Variants in TP53RK observed in about 807,000 individuals in gnomAD.
TP53RK encodes the protein EKC/KEOPS complex subunit TP53RK.
In TP53RK, 17 loss-of-function variants were observed where a neutral mutation model predicts 14.9. The ratio of observed to expected loss-of-function variants is 1.14; its 90% CI spans 0.78 to 1.71. TP53RK has a LOEUF of 1.71. TP53RK is among the 40% of genes most tolerant of loss of function. TP53RK has a pLI of 0.00. For missense variants in TP53RK, 343 were observed against 332.0 expected (o/e 1.03, Z -0.26); for synonymous variants, 131 against 138.0 (o/e 0.95, Z 0.36).
At position 46,686,306 on chromosome 20, in the gene TP53RK, T is replaced by G. The variant is rs541500099; in HGVS notation, c.*447A>C. On this transcript the variant is annotated 3_prime_UTR_variant, in exon 2 of 2. Transcript: ENST00000372114. ...TTTTCCATGCTGTATTCTATTTCAT[T>G]TTTTAAAATGCTGGTTGTATCCCAT... The G allele has an allele frequency of 6.2e-6, 1 of 162,518 alleles. No homozygotes were observed. Among genetic ancestry groups the G allele is most frequent in the South Asian group, 1.7e-4 (1 of 5,734 alleles). 10.1% of individuals were successfully genotyped at this position (162,518 alleles called of 1,614,324 possible).
At position 46,686,395 on chromosome 20, in the gene TP53RK, AG is replaced by A. The variant is rs1473752894; in HGVS notation, c.*357del. 4.9e-6 allele frequency: 1 copy of A among 202,312 alleles called. No homozygotes were observed. Among genetic ancestry groups the A allele is most frequent in the Admixed American group, 5.3e-5 (1 of 18,878 alleles). The allele number at this position is 202,312 out of a possible 1,614,324, so 12.5% of individuals were successfully genotyped here. A position where few individuals can be genotyped will look rare whatever the true frequency, so the allele number is the denominator to read the frequency against. The stretch of plus-strand genomic sequence containing the variant: ...ACAACAAAAAAAAACACTGGGTTAG[AG>A]GGCCAGTAAGCTCAGCGAGTATCAG... On this transcript the variant is annotated 3_prime_UTR_variant, in exon 2 of 2. Coordinates refer to ENST00000372114, the MANE Select transcript of TP53RK (RefSeq NM_033550.4).
chr20:46,687,140 A>G lies in TP53RK; in HGVS notation c.375T>C (p.Tyr125=). 6.2e-7 allele frequency: 1 copy of G among 1,614,192 alleles called. No homozygotes were observed. The highest frequency in any genetic ancestry group is 8.5e-7 in the Non-Finnish European group (1 of 1,180,018). ...EIEGSVTVRD[Y]IQSTMETEKT... ...TTTCAGTCTCCATAGTGGACTGAAT[A>G]TAATCTCGAACAGTCACTGAGCCTT... The change falls in exon 2 of 2, where the codon TAT becomes TAC. Residue 125 remains tyrosine, a synonymous_variant. Coordinates refer to ENST00000372114, the MANE Select transcript of TP53RK (RefSeq NM_033550.4).
At position 46,689,194 on chromosome 20, in the gene TP53RK, G is replaced by A. The variant is rs1295074440; in HGVS notation, c.221C>T (p.Ala74Val). The change falls in exon 1 of 2, where the codon GCG becomes GTG. Residue 74 changes from alanine (A) to valine (V), a missense_variant. Physicochemically the swap from Ala to Val is moderately conservative, Grantham distance 64 (BLOSUM62 0). Coordinates refer to ENST00000372114, the MANE Select transcript of TP53RK (RefSeq NM_033550.4). ...PKGYRHPALEARLGRRRTVQE... is the reference protein window; with the variant it reads ...PKGYRHPALEVRLGRRRTVQE... Reference sequence around the variant, plus strand: ...CACCGTCCGCCGTCTGCCAAGCCGCGCCTCCAGCGCCGGGTGCCGGTAGCC... The same window carrying A: ...CACCGTCCGCCGTCTGCCAAGCCGCACCTCCAGCGCCGGGTGCCGGTAGCC... 3 of 1,521,540 alleles carry A rather than the reference G, an allele frequency of 2.0e-6. No homozygotes were observed. The highest frequency in any genetic ancestry group is 2.4e-5 in the South Asian group (2 of 82,118). The allele number at this position is 1,521,540 out of a possible 1,614,324, so 94.3% of individuals were successfully genotyped here. A position where few individuals can be genotyped will look rare whatever the true frequency, so the allele number is the denominator to read the frequency against.
chr20:46,687,287 AATTTT>A, intron 1 of TP53RK, 56 bp from the exon 2 acceptor site: 1 of 1,440,858 alleles, frequency 6.9e-7, no homozygotes, highest in Non-Finnish European at 9.3e-7. Context: ...GGGTAAACTT[AATTTT>A]CAAAGATTAA....
chr20:46,687,225 G>A lies in TP53RK; in HGVS notation c.290C>T (p.Ser97Phe). Residue 97 changes from serine to phenylalanine, a missense_variant, in exon 2 of 2, where the codon TCT (serine) becomes TTT (phenylalanine). Coordinates refer to ENST00000372114, the MANE Select transcript of TP53RK (RefSeq NM_033550.4). The part of the protein sequence containing the change: ...ALLRCRRAGI[S>F]APVVFFVDYA... Reference sequence around the variant, plus strand: ...GTCCACAAAAAAGACAACTGGGGCAGATATTCCTGAAATCAAGACATAAGT... The same window carrying A: ...GTCCACAAAAAAGACAACTGGGGCAAATATTCCTGAAATCAAGACATAAGT... The A allele has an allele frequency of 1.3e-6, 2 of 1,580,160 alleles. No homozygotes were observed. The highest frequency in any genetic ancestry group is 1.7e-6 in the Non-Finnish European group (2 of 1,161,782).
chr20:46,689,122 C>G lies in TP53RK; in HGVS notation c.283+10G>C. 7.3e-7 allele frequency: 1 copy of G among 1,375,290 alleles called. No individual in the cohort carries two copies. 85.2% of individuals were successfully genotyped at this position (1,375,290 alleles called of 1,614,324 possible). ...GGGGCCGCCCACGCCGGGATCCCGG[C>G]CCACCTTACCAGCGCGGCGACAGCG... On this transcript the variant is annotated intron_variant, in intron 1 of 1. Coordinates refer to ENST00000372114, the MANE Select transcript of TP53RK (RefSeq NM_033550.4).
At chr20:46,687,586 G>A (rs1352578869) in intron 1 of TP53RK, among the ~76,000 whole-genome samples, 2 of 152,192 alleles carry the variant, frequency 1.3e-5, no homozygotes, top group Non-Finnish European at 2.9e-5. Context: ...GGGAGGCGGA[G>A]GCAGGCGGAT....
Position 46,686,496 on chromosome 20 carries a change from C to A in TP53RK, c.*257G>T, listed in dbSNP as rs903160754. ...TCTCATTATGTGGTTCAATGCCACA[C>A]CCATGTATCTGAGATATACATGTCA... On this transcript the variant is annotated 3_prime_UTR_variant, in exon 2 of 2. Coordinates refer to ENST00000372114, the MANE Select transcript of TP53RK (RefSeq NM_033550.4). 9 of 481,246 alleles carry A rather than the reference C, an allele frequency of 1.9e-5. No homozygotes were observed. Among genetic ancestry groups the A allele is most frequent in the Admixed American group, 3.5e-5 (1 of 28,414 alleles). The allele number at this position is 481,246 out of a possible 1,614,324, so 29.8% of individuals were successfully genotyped here. A position where few individuals can be genotyped will look rare whatever the true frequency, so the allele number is the denominator to read the frequency against.
rs1432817483 is a variant in TP53RK at position 46,684,474 on chromosome 20, G to C, written c.*2279C>G. ...AAACAAACACACCCTTCTCCACGTGGCAGCAGGAAGTGCCGAACAAGAGGG... is the reference window on the plus strand; with the variant it reads ...AAACAAACACACCCTTCTCCACGTGCCAGCAGGAAGTGCCGAACAAGAGGG... On this transcript the variant is annotated 3_prime_UTR_variant, in exon 2 of 2. Coordinates refer to ENST00000372114, the MANE Select transcript of TP53RK (RefSeq NM_033550.4). 1.3e-5 allele frequency: 2 copies of C among 152,238 alleles called. No individual in the cohort carries two copies. Among genetic ancestry groups the C allele is most frequent in the African/African-American group, 4.8e-5 (2 of 41,464 alleles). The allele number at this position is 152,238 out of a possible 1,614,324, so 9.4% of individuals were successfully genotyped here. A position where few individuals can be genotyped will look rare whatever the true frequency, so the allele number is the denominator to read the frequency against.
chr20:46,687,666 C>T (rs1448468589), intron 1 of TP53RK, among the ~76,000 whole-genome samples: 1 of 152,082 alleles, frequency 6.6e-6, no homozygotes. Context: ...TGTGGTGGCT[C>T]ACGCCTGTAG....
rs1448929020 is a variant in TP53RK at position 46,684,949 on chromosome 20, C to T, written c.*1804G>A. 6.6e-6 allele frequency: 1 copy of T among 152,190 alleles called. No homozygotes were observed. The highest frequency in any genetic ancestry group is 1.9e-4 in the East Asian group (1 of 5,204). The allele number at this position is 152,190 out of a possible 1,614,324, so 9.4% of individuals were successfully genotyped here. Reference sequence around the variant, plus strand: ...CAGATTTGGAGCCAGGTAAAAGTACCTCTTGCTACCTGTGACGTCTTGGAC... The same window carrying T: ...CAGATTTGGAGCCAGGTAAAAGTACTTCTTGCTACCTGTGACGTCTTGGAC... On this transcript the variant is annotated 3_prime_UTR_variant, in exon 2 of 2. Coordinates refer to ENST00000372114, the MANE Select transcript of TP53RK (RefSeq NM_033550.4).
At chr20:46,687,710 A>G (rs1346123245) in intron 1 of TP53RK, among the ~76,000 whole-genome samples, 1 of 152,196 alleles carries the variant, frequency 6.6e-6, no homozygotes, top group African/African-American at 2.4e-5. Flanking sequence ...GCAGGAGAAT[A>G]GCTTGAACTC....
chr20:46,689,299 A>C lies in TP53RK; in HGVS notation c.116T>G (p.Val39Gly), dbSNP rs2063196809. The stretch of plus-strand genomic sequence containing the variant: ...CACGCGCGCCTCGGCACCCTGCTTC[A>C]CCAGCTCCAGGCCGCTCAAGAAGCG... ...SSRFLSGLEL[V>G]KQGAEARVFR... is the part of the protein sequence containing the mutation. Residue 39 changes from valine to glycine, a missense_variant, in exon 1 of 2, where the codon GTG (valine) becomes GGG (glycine). Val to Gly is a moderately radical substitution (Grantham distance 109). Transcript: ENST00000372114. 1 of 1,548,794 alleles carries C rather than the reference A, an allele frequency of 6.5e-7. No individual in the cohort carries two copies. Among genetic ancestry groups the C allele is most frequent in the Admixed American group, 1.9e-5 (1 of 53,248 alleles).
chr20:46,687,920 G>A (rs2063188379), intron 1 of TP53RK, among the ~76,000 whole-genome samples: 1 of 152,232 alleles, frequency 6.6e-6, no homozygotes, highest in South Asian at 2.1e-4. Context: ...AGAGAGGACA[G>A]GGTTCAAATC....
intron 1 of TP53RK, among the ~76,000 whole-genome samples, chr20:46,687,975 C>T (rs1450708698): frequency 6.6e-6 from 1 of 152,174 alleles, no homozygotes; most frequent in African/African-American, 2.4e-5. Flanking sequence ...CTTAAAATTA[C>T]ATTAACTTCT....
Position 46,686,371 on chromosome 20 carries a change from C to A in TP53RK, c.*382G>T. 1 of 193,464 alleles carries A rather than the reference C, an allele frequency of 5.2e-6. No individual in the cohort carries two copies. The highest frequency in any genetic ancestry group is 1.2e-4 in the South Asian group (1 of 8,594). 12.0% of individuals were successfully genotyped at this position (193,464 alleles called of 1,614,324 possible). A position where few individuals can be genotyped will look rare whatever the true frequency, so the allele number is the denominator to read the frequency against. Reference sequence around the variant, plus strand: ...AATAAATATAACATGTACACAACAACAACAAAAAAAAACACTGGGTTAGAG... The same window carrying A: ...AATAAATATAACATGTACACAACAAAAACAAAAAAAAACACTGGGTTAGAG... On this transcript the variant is annotated 3_prime_UTR_variant, in exon 2 of 2. Transcript: ENST00000372114.
At position 46,686,612 on chromosome 20, in the gene TP53RK, T is replaced by C. The variant is rs1050272021; in HGVS notation, c.*141A>G. On this transcript the variant is annotated 3_prime_UTR_variant, in exon 2 of 2. Coordinates refer to ENST00000372114, the MANE Select transcript of TP53RK (RefSeq NM_033550.4). ...ACACATAGTAAGCTCTTGAGTGAAG[T>C]GCAGATGATAATGACACGATCACAT... 1 of 740,690 alleles carries C rather than the reference T, an allele frequency of 1.4e-6. No homozygotes were observed. Among genetic ancestry groups the C allele is most frequent in the Non-Finnish European group, 2.3e-6 (1 of 443,036 alleles). The allele number at this position is 740,690 out of a possible 1,614,324, so 45.9% of individuals were successfully genotyped here.
chr20:46,689,061 A>AG (rs955136291), intron 1 of TP53RK, 71 bp downstream of exon 1: 140 of 1,318,330 alleles, frequency 1.1e-4, no homozygotes, highest in Non-Finnish European at 1.3e-4. Flanking sequence ...TTCGGAGCGC[A>AG]GGGGAGTCCC....
chr20:46,686,022 T>G lies in TP53RK; in HGVS notation c.*731A>C, dbSNP rs535163782. 6.6e-6 allele frequency: 1 copy of G among 152,312 alleles called. No homozygotes were observed. Among genetic ancestry groups the G allele is most frequent in the African/African-American group, 2.4e-5 (1 of 41,572 alleles). The allele number at this position is 152,312 out of a possible 1,614,324, so 9.4% of individuals were successfully genotyped here. A position where few individuals can be genotyped will look rare whatever the true frequency, so the allele number is the denominator to read the frequency against. The stretch of plus-strand genomic sequence containing the variant: ...ACTCAGTTTGTTTAGCGGTATAAAC[T>G]TAAAAGGAACTTTAGATCAATCACT... On this transcript the variant is annotated 3_prime_UTR_variant, in exon 2 of 2. Coordinates refer to ENST00000372114, the MANE Select transcript of TP53RK (RefSeq NM_033550.4).
Sources: gnomAD v4.1 joint callset for allele counts (sites outside exome capture counted in the v4.1 genomes callset) on GRCh38, gnomAD v4.1.1 for gene constraint, MANE v1.5 for transcripts, NCBI Gene and HGNC (gene_info 2026-07-23, HGNC 2026-07-21) for gene names.